The following IL4R variants were observed in gnomAD, a reference collection of about 807,000 sequenced individuals.
IL4R encodes the protein interleukin 4 receptor, also known as interleukin-4 receptor subunit alpha.
In IL4R, 17 loss-of-function variants were observed where a neutral mutation model predicts 41.5. The ratio of observed to expected loss-of-function variants is 0.41; its 90% CI spans 0.28 to 0.61. The LOEUF (loss-of-function observed/expected upper bound fraction) is 0.61, where lower values mean the gene tolerates loss of function less well. Ranked by LOEUF, IL4R falls within the 20% of genes least tolerant of loss-of-function variation. The probability of loss-of-function intolerance (pLI) is 0.31; values close to 1 mark genes in which losing one functional copy is unlikely to be tolerated. For synonymous variants in IL4R, 402 were observed against 422.9 expected, an observed-to-expected ratio of 0.95 and a Z score of 0.61; for missense variants, 974 against 1,043.1, an observed-to-expected ratio of 0.93 and a Z score of 0.91.
rs1395902615 is a variant in IL4R at position 27,360,833 on chromosome 16, G to A, written c.899+18G>A. 6.2e-7 allele frequency: 1 copy of A among 1,614,110 alleles called. No homozygotes were observed. Among genetic ancestry groups the A allele is most frequent in the African/African-American group, 1.3e-5 (1 of 75,020 alleles). On this transcript the variant is annotated intron_variant, in intron 10 of 10. Transcript: ENST00000395762. Reference sequence around the variant, plus strand: ...AAGTGCCCGTATGTATCTGAACTTAGGTCACAGCCTGCATGCATTGGGAAG... The same window carrying A: ...AAGTGCCCGTATGTATCTGAACTTAAGTCACAGCCTGCATGCATTGGGAAG...
intron 1 of IL4R, among the ~76,000 whole-genome samples, chr16:27,314,570 G>A (rs1171077299): frequency 1.3e-5 from 2 of 152,192 alleles, no homozygotes; most frequent in Admixed American, 1.3e-4. Flanking sequence ...CTTCTCTGTG[G>A]CCGGTGCTGT....
At chr16:27,355,227 A>C in intron 7 of IL4R, 1 of 293,824 alleles carries the variant, frequency 3.4e-6, no homozygotes, top group South Asian at 2.8e-5. Flanking sequence ...GAGGAAGGGG[A>C]TGGAGCGATG....
At chr16:27,348,383 A>G (rs564722932) in intron 6 of IL4R, among the ~76,000 whole-genome samples, 1 of 152,066 alleles carries the variant, frequency 6.6e-6, no homozygotes, top group African/African-American at 2.4e-5. Flanking sequence ...GGCTGGGGGG[A>G]AGAGAAAGGT....
At chr16:27,332,344 G>T (rs538977901) in intron 2 of IL4R, among the ~76,000 whole-genome samples, 1 of 151,964 alleles carries the variant, frequency 6.6e-6, no homozygotes, top group African/African-American at 2.4e-5. Context: ...GCCAAGGAAA[G>T]GGGGGGAAAG....
chr16:27,363,408 G>A lies in IL4R; in HGVS notation c.2056G>A (p.Val686Ile). 2 of 1,614,152 alleles carry A rather than the reference G, an allele frequency of 1.2e-6. No homozygotes were observed. The highest frequency in any genetic ancestry group is 1.7e-6 in the Non-Finnish European group (2 of 1,180,014). ...EHLGLEPGEK[V>I]EDMPKPPLPQ... is the part of the protein sequence containing the mutation. ...CCTGGGTCTGGAGCCGGGGGAAAAG[G>A]TAGAGGACATGCCAAAGCCCCCACT... is the stretch of plus-strand genomic sequence containing the variant. The change falls in exon 11 of 11, where the codon GTA becomes ATA. Residue 686 changes from valine (V) to isoleucine (I), a missense_variant. Around this residue, in one of 3 missense-constraint regions of IL4R, gnomAD observed 682 missense variants for 704.3 expected, o/e 0.97. Coordinates refer to ENST00000395762, the MANE Select transcript of IL4R (RefSeq NM_000418.4).
intron 2 of IL4R, chr16:27,334,508 A>T (rs1215069566): frequency 6.6e-6 from 1 of 151,636 alleles, no homozygotes; most frequent in Non-Finnish European, 1.5e-5. Flanking sequence ...AGGGTTGTTG[A>T]CTCCCCTGTT....
intron 6 of IL4R, among the ~76,000 whole-genome samples, chr16:27,351,740 C>T (rs1294700749): frequency 6.6e-6 from 1 of 152,130 alleles, no homozygotes; most frequent in Non-Finnish European, 1.5e-5. Context: ...GTCTTGAACT[C>T]CTCACCTCAA....
At chr16:27,331,058 A>C (rs34943813) in intron 2 of IL4R, among the ~76,000 whole-genome samples, 1 of 151,912 alleles carries the variant, frequency 6.6e-6, no homozygotes, top group African/African-American at 2.4e-5. Context: ...ATCCCCCCAG[A>C]CTTCTCAAAA....
chr16:27,357,617 C>T (rs1375835043), intron 8 of IL4R, among the ~76,000 whole-genome samples: 8 of 152,026 alleles, frequency 5.3e-5, no homozygotes, highest in South Asian at 4.2e-4. Flanking sequence ...GCGTGTGCCA[C>T]GACACCCAGC....
intron 2 of IL4R, among the ~76,000 whole-genome samples, chr16:27,331,972 T>A (rs1015257954): frequency 6.6e-6 from 1 of 152,008 alleles, no homozygotes; most frequent in Non-Finnish European, 1.5e-5. Context: ...TTTTTTAATT[T>A]AAAAATTTTA....
At chr16:27,313,970 C>G, upstream of IL4R, 1 of 984,804 alleles carries the variant, frequency 1.0e-6, no homozygotes, top group Non-Finnish European at 1.2e-6. Flanking sequence ...CCCAGGGGTC[C>G]CCCACTTCCC....
At chr16:27,335,022 C>T (rs2085220273) in intron 2 of IL4R, among the ~76,000 whole-genome samples, 1 of 152,124 alleles carries the variant, frequency 6.6e-6, no homozygotes, top group Non-Finnish European at 1.5e-5. Context: ...CTGGCTTGTC[C>T]TTTGCACCCC....
intron 2 of IL4R, among the ~76,000 whole-genome samples, chr16:27,332,384 AACTC>A (rs763793197): frequency 1.8e-4 from 27 of 152,104 alleles, no homozygotes; most frequent in Non-Finnish European, 3.5e-4. Flanking sequence ...ATCTCAGGAG[AACTC>A]ACTCACTGTC....
chr16:27,336,914 A>G (rs542887193), intron 2 of IL4R, among the ~76,000 whole-genome samples: 68 of 152,088 alleles, frequency 4.5e-4, no homozygotes, highest in African/African-American at 1.6e-3. Context: ...CCCTGTCTCT[A>G]CTAAAAATAC....
rs79698739 is a variant in IL4R, at chr16:27,343,005, C to A, written c.209+746C>A. ...ACACTTTGAGAACCACTGGACTAGA[C>A]CCTTGATTGAGGAGTACGGTGTTGA... On this transcript the variant is annotated intron_variant, in intron 4 of 10. Transcript: ENST00000395762. Among the ~76,000 whole-genome samples, 935 of 152,286 alleles carry A rather than the reference C, an allele frequency of 6.1e-3. 26 individuals carry two copies. Among genetic ancestry groups the A allele is most frequent in the East Asian group, 0.052 (269 of 5,184 alleles).
intron 7 of IL4R, among the ~76,000 whole-genome samples, chr16:27,353,794 T>C (rs1235790884): frequency 6.6e-6 from 1 of 152,212 alleles, no homozygotes; most frequent in Non-Finnish European, 1.5e-5. Flanking sequence ...CCAGTGTTCC[T>C]GGCCCCTTCC....
Position 27,342,086 on chromosome 16 carries a change from C to G in IL4R, c.71-35C>G, listed in dbSNP as rs376483512. On this transcript the variant is annotated intron_variant, in intron 3 of 10. Coordinates refer to ENST00000395762, the MANE Select transcript of IL4R (RefSeq NM_000418.4). ...GCAAGTCCCCCTCACGCATTGAGTT[C>G]CTGGGCCGCTCAGGCTGCTCCTGTG... 159 of 1,610,256 alleles carry G rather than the reference C, an allele frequency of 9.9e-5. No homozygotes were observed. In the Middle Eastern group the frequency reaches 3.0e-3, roughly 30 times the overall value.
chr16:27,334,103 C>T (rs747502810), intron 2 of IL4R, among the ~76,000 whole-genome samples: 10 of 151,966 alleles, frequency 6.6e-5, no homozygotes, highest in Admixed American at 3.3e-4. Context: ...AGGATGGTCT[C>T]GATCTCCTGA....
In IL4R at chr16:27,363,855, C is replaced by T; in HGVS notation, c.*25C>T. 6.3e-7 allele frequency: 1 copy of T among 1,585,962 alleles called. No individual in the cohort carries two copies. The highest frequency in any genetic ancestry group is 8.5e-7 in the Non-Finnish European group (1 of 1,171,990). ...GGTGCATGTCCTCTTGTTGCTGAGT[C>T]TGCAGATGAGGACTAGGGCTTATCC... is the stretch of plus-strand genomic sequence containing the variant. On this transcript the variant is annotated 3_prime_UTR_variant, in exon 11 of 11. Coordinates refer to ENST00000395762, the MANE Select transcript of IL4R (RefSeq NM_000418.4).
Sources: allele counts gnomAD v4.1 joint callset (sites outside exome capture counted in the v4.1 genomes callset), GRCh38; gene constraint gnomAD v4.1.1; regional missense constraint gnomAD v4.1.1; transcripts MANE v1.5; gene names NCBI Gene and HGNC (gene_info 2026-07-23, HGNC 2026-07-21).